ARHGEF6: variants seen among roughly 807,000 people sequenced by gnomAD.
ARHGEF6 encodes the protein rho guanine nucleotide exchange factor 6.
In ARHGEF6, 9 loss-of-function variants were observed where a neutral mutation model predicts 70.3. That is an observed-to-expected ratio of 0.13 (90% CI 0.08 to 0.22). The LOEUF is 0.22. Ranked by LOEUF, ARHGEF6 falls within the 10% of genes least tolerant of loss-of-function variation. The pLI, the probability that ARHGEF6 is intolerant of heterozygous loss-of-function variation, is 1.00. For synonymous variants in ARHGEF6, 201 were observed against 207.8 expected, an observed-to-expected ratio of 0.97 and a Z score of 0.28; for missense variants, 470 against 563.0, an observed-to-expected ratio of 0.83 and a Z score of 1.67.
rs185182050 is a variant in ARHGEF6, at chrX:136,716,962, T to C, written c.733-3592A>G. Among the ~76,000 whole-genome samples, 21 of 111,021 alleles carry C rather than the reference T, an allele frequency of 1.9e-4. 1 individual carries two copies. In the East Asian group the frequency reaches 5.1e-3, roughly 27 times the overall value. On this transcript the variant is annotated intron_variant, in intron 6 of 21. Coordinates refer to ENST00000250617, the MANE Select transcript of ARHGEF6 (RefSeq NM_004840.3). ...GACTGGGGGTAAAAATAGAAGAGAA[T>C]ATGAAAGAACTGTGGGACAACTACA...
chrX:136,680,498 G>A (rs1299594229), intron 15 of ARHGEF6, among the ~76,000 whole-genome samples: 1 of 111,946 alleles, frequency 8.9e-6, no homozygotes, highest in Non-Finnish European at 1.9e-5. Context: ...AGTTAGTTGG[G>A]GTATCTGAAT....
At chrX:136,763,543 G>A (rs866403714) in intron 2 of ARHGEF6, among the ~76,000 whole-genome samples, 7 of 112,324 alleles carry the variant, frequency 6.2e-5, no homozygotes, top group South Asian at 7.4e-4. Context: ...AGATGATCAC[G>A]GCCGGGCACG....
At position 136,719,004 on chromosome X, in the gene ARHGEF6, TAAAAA is replaced by T. The variant is rs35347859; in HGVS notation, c.733-5639_733-5635del. Among the ~76,000 whole-genome samples, 6 of 60,152 alleles carry T rather than the reference TAAAAA, an allele frequency of 1.0e-4. No individual in the cohort carries two copies. In the East Asian group the frequency reaches 2.5e-3, roughly 25 times the overall value. 52.2% of individuals were successfully genotyped at this position (60,152 alleles called of 115,157 possible). On this transcript the variant is annotated intron_variant, in intron 6 of 21. Coordinates refer to ENST00000250617, the MANE Select transcript of ARHGEF6 (RefSeq NM_004840.3). ...ATTCCTCCTGTGATTTAATACTTGG[TAAAAA>T]AAAAAAAAAAAAAAAAGTGAGGCAA...
intron 2 of ARHGEF6, chrX:136,767,443 C>T (rs373010803): frequency 4.0e-6 from 3 of 754,127 alleles, no homozygotes; most frequent in East Asian, 1.5e-4. Context: ...CTCTGTGCCG[C>T]GCCCGCAACC....
At chrX:136,677,434 A>T (rs935948464) in intron 17 of ARHGEF6, among the ~76,000 whole-genome samples, 7 of 112,165 alleles carry the variant, frequency 6.2e-5, no homozygotes, top group Non-Finnish European at 1.1e-4. Flanking sequence ...GGTCAAAAAA[A>T]TACTCATTGT....
intron 2 of ARHGEF6, chrX:136,767,843 GC>G: frequency 1.3e-5 from 5 of 379,621 alleles, no homozygotes; most frequent in Non-Finnish European, 1.2e-5. Context: ...AGGCAGAGCA[GC>G]AGCAGCAGCA....
chrX:136,724,149 G>A (rs867658917), intron 6 of ARHGEF6, among the ~76,000 whole-genome samples: 1 of 105,745 alleles, frequency 9.5e-6, no homozygotes, highest in African/African-American at 3.4e-5. Context: ...GCACAATCTC[G>A]GCTCAATGCA....
At chrX:136,672,634 A>G (rs2076236740) in intron 19 of ARHGEF6, among the ~76,000 whole-genome samples, 1 of 112,337 alleles carries the variant, frequency 8.9e-6, no homozygotes, top group Non-Finnish European at 1.9e-5. Context: ...TAAGGTAGGT[A>G]TGTCTCCTAA....
chrX:136,713,224 T>C (rs1322883995), intron 7 of ARHGEF6, 52 bp downstream of exon 7: 1 of 931,735 alleles, frequency 1.1e-6, no homozygotes. Context: ...TGATTCCATA[T>C]GTTGACATTA....
At chrX:136,777,354 C>T (rs1221334118) in intron 2 of ARHGEF6, among the ~76,000 whole-genome samples, 1 of 111,133 alleles carries the variant, frequency 9.0e-6, no homozygotes, top group Non-Finnish European at 1.9e-5. Flanking sequence ...CTCAACATCA[C>T]TAAGCACTGG....
chrX:136,735,447 G>A (rs1019609733), intron 5 of ARHGEF6, among the ~76,000 whole-genome samples: 2 of 110,676 alleles, frequency 1.8e-5, no homozygotes, highest in African/African-American at 6.6e-5. Flanking sequence ...TGGAGGTTCC[G>A]AGGAGACAAG....
chrX:136,702,752 C>T (rs1375266966), intron 9 of ARHGEF6, among the ~76,000 whole-genome samples: 1 of 112,076 alleles, frequency 8.9e-6, no homozygotes, highest in Non-Finnish European at 1.9e-5. Flanking sequence ...ATTGATAGAA[C>T]TGAAAAGAGA....
intron 14 of ARHGEF6, among the ~76,000 whole-genome samples, chrX:136,681,210 G>C (rs150488573): frequency 4.1e-3 from 454 of 112,001 alleles, no homozygotes; most frequent in Non-Finnish European, 5.3e-3. Context: ...TGGGAATATT[G>C]TCCTGGTTCC....
At chrX:136,716,371 C>T (rs1307584617) in intron 6 of ARHGEF6, among the ~76,000 whole-genome samples, 1 of 112,118 alleles carries the variant, frequency 8.9e-6, no homozygotes, top group Non-Finnish European at 1.9e-5. Flanking sequence ...TCTAGCCATC[C>T]TGTCCCACCT....
intron 7 of ARHGEF6, among the ~76,000 whole-genome samples, chrX:136,712,437 T>TA (rs1205940062): frequency 8.9e-6 from 1 of 112,481 alleles, no homozygotes; most frequent in Non-Finnish European, 1.9e-5. Context: ...TATATTAACT[T>TA]ATTTAAGTTT....
chrX:136,719,155 A>C (rs1322693934), intron 6 of ARHGEF6, among the ~76,000 whole-genome samples: 1 of 110,216 alleles, frequency 9.1e-6, no homozygotes, highest in Admixed American at 9.8e-5. Context: ...CTAGAACTCA[A>C]TAGTACCATC....
chrX:136,678,575 T>C lies in ARHGEF6; in HGVS notation c.1831-619A>G, dbSNP rs756562054. Among the ~76,000 whole-genome samples, 4 of 111,976 alleles carry C rather than the reference T, an allele frequency of 3.6e-5. No individual in the cohort carries two copies. In the South Asian group the frequency reaches 1.1e-3, roughly 31 times the overall value. On this transcript the variant is annotated intron_variant, in intron 16 of 21. Coordinates refer to ENST00000250617, the MANE Select transcript of ARHGEF6 (RefSeq NM_004840.3). ...GAAAGGATCAAAAAATCCTCCAGTG[T>C]CCAAATATTGTCCTATTTTTACTGC...
intron 2 of ARHGEF6, among the ~76,000 whole-genome samples, chrX:136,779,055 C>T (rs1444695843): frequency 2.7e-5 from 3 of 111,860 alleles, no homozygotes; most frequent in Non-Finnish European, 5.6e-5. Context: ...ATGGCCTTTC[C>T]TCTTTTCTCA....
At chrX:136,756,166 GA>G (rs768234627) in intron 2 of ARHGEF6, among the ~76,000 whole-genome samples, 1 of 110,890 alleles carries the variant, frequency 9.0e-6, no homozygotes, top group East Asian at 2.8e-4. Flanking sequence ...ACTTAGGAAA[GA>G]AAAAAAACAA....
Sources: gnomAD v4.1 joint callset for allele counts (sites outside exome capture counted in the v4.1 genomes callset) on GRCh38, gnomAD v4.1.1 for gene constraint, MANE v1.5 for transcripts, NCBI Gene and HGNC (gene_info 2026-07-23, HGNC 2026-07-21) for gene names.